The following EHD2 variants were observed in gnomAD, a reference collection of about 807,000 sequenced individuals.
EHD2 encodes the protein EH domain containing 2, also known as EH domain-containing protein 2.
Under a neutral mutation model 41.0 loss-of-function variants are expected in EHD2, and 27 were observed. The ratio of observed to expected loss-of-function variants is 0.66; its 90% confidence interval spans 0.49 to 0.91. The LOEUF (loss-of-function observed/expected upper bound fraction) is 0.91. Ranked by LOEUF, EHD2 falls within the 40% of genes least tolerant of loss-of-function variation. The pLI is 0.00. For missense variants in EHD2, 673 were observed against 773.9 expected (o/e 0.87, Z 1.55); for synonymous variants, 342 against 341.0 (o/e 1.00, Z -0.03).
At chr19:47,723,147 C>T (rs1973714675) in intron 3 of EHD2, among the ~76,000 whole-genome samples, 1 of 152,148 alleles carries the variant, frequency 6.6e-6, no homozygotes, top group African/African-American at 2.4e-5. Context: ...TCCCCCTGCC[C>T]ACCCTGGGCT....
intron 1 of EHD2, among the ~76,000 whole-genome samples, chr19:47,715,605 A>T (rs888049138): frequency 3.3e-5 from 5 of 152,054 alleles, no homozygotes; most frequent in Admixed American, 3.3e-4. Flanking sequence ...GTGTCAAATG[A>T]TGGAAGGGAG....
intron 4 of EHD2, among the ~76,000 whole-genome samples, chr19:47,732,707 A>C (rs1966884286): frequency 6.6e-6 from 1 of 152,120 alleles, no homozygotes; most frequent in Non-Finnish European, 1.5e-5. Flanking sequence ...AGGCATGAGC[A>C]ATATTTAATT....
intron 4 of EHD2, among the ~76,000 whole-genome samples, chr19:47,729,136 G>A (rs1484626589): frequency 6.6e-6 from 1 of 152,178 alleles, no homozygotes; most frequent in African/African-American, 2.4e-5. Flanking sequence ...AGAGGAGACA[G>A]ATCCATCCCC....
chr19:47,736,013 T>C (rs1417674446), intron 4 of EHD2, among the ~76,000 whole-genome samples: 1 of 151,924 alleles, frequency 6.6e-6, no homozygotes, highest in East Asian at 1.9e-4. Context: ...CTGACCAGCA[T>C]GGTGAAACCC....
At position 47,740,934 on chromosome 19, in the gene EHD2, G is replaced by T. The variant is rs1033654996; in HGVS notation, c.1134G>T (p.Leu378=). The T allele has an allele frequency of 3.1e-6, 5 of 1,613,378 alleles. No individual in the cohort carries two copies. The highest frequency in any genetic ancestry group is 3.4e-6 in the Non-Finnish European group (4 of 1,179,904). Residue 378 remains leucine, a synonymous_variant, in exon 6 of 6, where the codon CTG becomes CTT. Coordinates refer to ENST00000263277, the MANE Select transcript of EHD2 (RefSeq NM_014601.4). ...FTKFHSLKPK[L]LEALDEMLTH... is the part of the protein sequence containing the mutation. Reference sequence around the variant, plus strand: ...AGTTTCACTCGCTGAAGCCGAAGCTGCTAGAGGCACTGGACGAGATGCTGA... The same window carrying T: ...AGTTTCACTCGCTGAAGCCGAAGCTTCTAGAGGCACTGGACGAGATGCTGA...
Position 47,716,949 on chromosome 19 carries a change from G to A in EHD2, c.337G>A (p.Ala113Thr), listed in dbSNP as rs774116334. 1.2e-5 allele frequency: 19 copies of A among 1,607,336 alleles called. No homozygotes were observed. In the Admixed American group the frequency reaches 1.5e-4, roughly 13 times the overall value. Reference sequence around the variant, plus strand: ...CACTGAGGGCACCGTGCCCGGCAACGCCCTCGTCGTGGACCCGGACAAGCC... The same window carrying A: ...CACTGAGGGCACCGTGCCCGGCAACACCCTCGTCGTGGACCCGGACAAGCC... The part of the protein sequence containing the change: ...GDTEGTVPGN[A>T]LVVDPDKPFR... Residue 113 changes from alanine to threonine, a missense_variant, in exon 2 of 6, where the codon GCC (alanine) becomes ACC (threonine). Physicochemically the swap from Ala to Thr is moderately conservative, Grantham distance 58. Transcript: ENST00000263277.
At chr19:47,734,530 T>C (rs1303602907) in intron 4 of EHD2, among the ~76,000 whole-genome samples, 1 of 151,684 alleles carries the variant, frequency 6.6e-6, no homozygotes, top group African/African-American at 2.4e-5. Flanking sequence ...GGCAGGCAGA[T>C]CATTTGAGGT....
chr19:47,716,716 C>G lies in EHD2; in HGVS notation c.104C>G (p.Pro35Arg). 1 of 1,613,092 alleles carries G rather than the reference C, an allele frequency of 6.2e-7. No individual in the cohort carries two copies. Among genetic ancestry groups the G allele is most frequent in the Non-Finnish European group, 8.5e-7 (1 of 1,179,694 alleles). Residue 35 changes from proline (P) to arginine (R), a missense_variant, in exon 2 of 6, where the codon CCG becomes CGG. Transcript: ENST00000263277. ...GAGCTGTACCGCACGAAGCTGCTGC[C>G]GCTGGAGGAGCACTACCGCTTTGGG... ...LKELYRTKLL[P>R]LEEHYRFGAF...
chr19:47,740,661 G>T (rs1360686470), intron 5 of EHD2, among the ~76,000 whole-genome samples: 2 of 152,128 alleles, frequency 1.3e-5, no homozygotes, highest in African/African-American at 2.4e-5. Context: ...CAGGAGAATC[G>T]CTTGAAACCG....
Position 47,716,543 on chromosome 19 carries a change from C to T in EHD2, c.-55-15C>T, listed in dbSNP as rs1435149625. 3 of 1,437,734 alleles carry T rather than the reference C, an allele frequency of 2.1e-6. No homozygotes were observed. Among genetic ancestry groups the T allele is most frequent in the African/African-American group, 1.4e-5 (1 of 69,878 alleles). The allele number at this position is 1,437,734 out of a possible 1,614,324, so 89.1% of individuals were successfully genotyped here. ...GCTGGGCCGCCTATGCTCATGCCCT[C>T]TCCCCCTCCCACAGGCAGCTCTCCA... On this transcript the variant is annotated splice_polypyrimidine_tract_variant and intron_variant, in intron 1 of 5. Transcript: ENST00000263277.
At chr19:47,722,106 A>G (rs1973703295) in intron 3 of EHD2, among the ~76,000 whole-genome samples, 1 of 151,978 alleles carries the variant, frequency 6.6e-6, no homozygotes, top group Non-Finnish European at 1.5e-5. Context: ...AGGTTAAATT[A>G]GTTAAAACAT....
At chr19:47,733,804 G>C (rs1469236212) in intron 4 of EHD2, among the ~76,000 whole-genome samples, 1 of 140,830 alleles carries the variant, frequency 7.1e-6, no homozygotes, top group Non-Finnish European at 1.5e-5. Flanking sequence ...GAAAAAAAGA[G>C]TGAAGAAAGC....
intron 4 of EHD2, among the ~76,000 whole-genome samples, chr19:47,728,903 T>A (rs1398917231): frequency 6.6e-6 from 1 of 152,248 alleles, no homozygotes; most frequent in Non-Finnish European, 1.5e-5. Context: ...CACTGATTTA[T>A]CCCCAGTGCC....
At chr19:47,734,206 G>A (rs1338069182) in intron 4 of EHD2, among the ~76,000 whole-genome samples, 2 of 152,074 alleles carry the variant, frequency 1.3e-5, no homozygotes, top group Admixed American at 6.6e-5. Context: ...GTAGTAGCGG[G>A]TGCCTGTAGT....
At chr19:47,723,016 G>A (rs997698300) in intron 3 of EHD2, among the ~76,000 whole-genome samples, 2 of 152,184 alleles carry the variant, frequency 1.3e-5, no homozygotes, top group Middle Eastern at 3.2e-3. Flanking sequence ...TCCTTGTTCT[G>A]CCAGTTAACT....
In EHD2 at chr19:47,741,437, G is replaced by A. The variant is rs543620769; in HGVS notation, c.*5G>A. 2,207 of 1,564,912 alleles carry A rather than the reference G, an allele frequency of 1.4e-3. 25 individuals are homozygous for A. The South Asian group carries it at 0.017, about 12-fold the overall frequency. ...CACAAGGGCTCCGCCGAGTGAGCCGGCCCCCCTCCCATGGCCCTGCTGTGG... is the reference window on the plus strand; with the variant it reads ...CACAAGGGCTCCGCCGAGTGAGCCGACCCCCCTCCCATGGCCCTGCTGTGG... On this transcript the variant is annotated 3_prime_UTR_variant, in exon 6 of 6. Transcript: ENST00000263277. The surrounding 1 kb of genome is among the most constrained non-coding windows in gnomAD (Gnocchi z 4.5).
At chr19:47,728,539 T>TTCTTTC (rs1398633342) in intron 4 of EHD2, among the ~76,000 whole-genome samples, 2 of 151,396 alleles carry the variant, frequency 1.3e-5, no homozygotes, top group South Asian at 2.1e-4. Context: ...CTTTCTCTCT[T>TTCTTTC]TCTTTCTCTT....
At position 47,713,525 on chromosome 19, in the gene EHD2, A is replaced by C. The variant is rs921591867; in HGVS notation, c.-69A>C. On this transcript the variant is annotated 5_prime_UTR_variant, in exon 1 of 6. Coordinates refer to ENST00000263277, the MANE Select transcript of EHD2 (RefSeq NM_014601.4). ...GCCTGCCCAGCCCGCTGCAGCCGCC[A>C]GCGCGCCCCGTCGGTGAGTGCTCCC... 1.3e-5 allele frequency: 2 copies of C among 151,084 alleles called. No individual in the cohort carries two copies. Among genetic ancestry groups the C allele is most frequent in the Non-Finnish European group, 2.9e-5 (2 of 68,170 alleles). 9.4% of individuals were successfully genotyped at this position (151,084 alleles called of 1,614,324 possible).
chr19:47,720,837 T>G (rs978292698), intron 3 of EHD2, among the ~76,000 whole-genome samples: 4 of 151,906 alleles, frequency 2.6e-5, no homozygotes, highest in African/African-American at 9.7e-5. Context: ...CTGTGTGGTG[T>G]TGTGTATGTG....
Sources: allele counts gnomAD v4.1 joint callset (sites outside exome capture counted in the v4.1 genomes callset), GRCh38; gene constraint gnomAD v4.1.1; non-coding constraint Gnocchi (gnomAD v3.1); transcripts MANE v1.5; gene names NCBI Gene and HGNC (gene_info 2026-07-23, HGNC 2026-07-21).